GRP: variants seen among roughly 807,000 people sequenced by gnomAD.
GRP encodes gastrin releasing peptide, also known as gastrin-releasing peptide.
Under a neutral mutation model 12.7 loss-of-function variants are expected in GRP, and 11 were observed. The ratio of observed to expected loss-of-function variants is 0.87; its 90% confidence interval spans 0.55 to 1.44. The LOEUF (loss-of-function observed/expected upper bound fraction) is 1.44. Among genes scored for constraint, GRP ranks in the 40% most tolerant of loss-of-function variants. GRP has a pLI of 0.00. For missense variants in GRP, 212 were observed against 185.4 expected, an observed-to-expected ratio of 1.14 and a Z score of -0.83; for synonymous variants, 84 against 77.7, an observed-to-expected ratio of 1.08 and a Z score of -0.43.
At chr18:59,224,821 C>A (rs917310948) in intron 1 of GRP, among the ~76,000 whole-genome samples, 1 of 152,162 alleles carries the variant, frequency 6.6e-6, no homozygotes, top group East Asian at 1.9e-4. Flanking sequence ...TGCATTTATG[C>A]GGCTGTAAAG....
intron 2 of GRP, among the ~76,000 whole-genome samples, chr18:59,229,625 T>C (rs1403652016): frequency 1.3e-5 from 2 of 152,224 alleles, no homozygotes; most frequent in Admixed American, 6.5e-5. Context: ...ATGGCTGATA[T>C]GGAAGTTGGG....
intron 2 of GRP, among the ~76,000 whole-genome samples, chr18:59,227,049 CTTT>C (rs2069950366): frequency 3.5e-4 from 41 of 116,386 alleles, no homozygotes; most frequent in Admixed American, 8.6e-4. Flanking sequence ...TTCTTTCTTT[CTTT>C]CTTCCTTTCT....
upstream of GRP, chr18:59,220,061 A>C: frequency 1.1e-4 from 47 of 421,088 alleles, no homozygotes; most frequent in East Asian, 2.3e-4. Context: ...CCGGTTAGCT[A>C]TAGGGAGACG....
intron 2 of GRP, among the ~76,000 whole-genome samples, chr18:59,227,468 AGCTGCCAT>A (rs1431014953): frequency 1.3e-5 from 2 of 152,140 alleles, no homozygotes; most frequent in Non-Finnish European, 2.9e-5. Context: ...CTCAGATTCT[AGCTGCCAT>A]GCCTTTTTCA....
In GRP at chr18:59,224,898, TTTTCTC is replaced by T. The variant is rs1461922143; in HGVS notation, c.140-593_140-588del. On this transcript the variant is annotated intron_variant, in intron 1 of 2. Coordinates refer to ENST00000256857, the MANE Select transcript of GRP (RefSeq NM_002091.5). ...CTTAACAAACAGTAAATCTGGGTAG[TTTTCTC>T]AGTTCAGTCTCAACTAAAACTCTGA... Among the ~76,000 whole-genome samples the T allele has an allele frequency of 2.0e-5, 3 of 152,242 alleles. No homozygotes were observed. In the East Asian group the frequency reaches 5.8e-4, roughly 29 times the overall value.
intron 1 of GRP, among the ~76,000 whole-genome samples, chr18:59,221,042 C>G (rs1430249065): frequency 2.0e-5 from 3 of 152,250 alleles, no homozygotes; most frequent in Non-Finnish European, 1.5e-5. Flanking sequence ...ATTCTTTTCC[C>G]TGCCCTTTTG....
At chr18:59,220,075 G>A, upstream of GRP, 1 of 416,830 alleles carries the variant, frequency 2.4e-6, no homozygotes, top group Non-Finnish European at 4.2e-6. Context: ...GGAGACGTCA[G>A]AGCGCTCTGG....
At chr18:59,220,110 C>T (rs540857367), upstream of GRP, 141 of 348,726 alleles carry the variant, frequency 4.0e-4, 8 homozygotes, top group South Asian at 3.6e-3. Context: ...GCCCCCCAGC[C>T]CCCCCGCCCG....
At chr18:59,226,992 C>CCTTTCTTTCTTTCTTTCTTTCTTT (rs34258044) in intron 2 of GRP, among the ~76,000 whole-genome samples, 3 of 107,856 alleles carry the variant, frequency 2.8e-5, no homozygotes, top group Non-Finnish European at 5.6e-5. Context: ...TTCTTTTCTT[C>CCTTTCTTTCTTTCTTTCTTTCTTT]CTTTCTTTCT....
rs890164249 is a variant in GRP, at chr18:59,226,926, C to CT, written c.382+1201dup. ...TGGGTCTATTCTGGTCTTTCTCTTTCTTTTTTTTTCTTTTTTCTTTCTTCC... is the reference window on the plus strand; with the variant it reads ...TGGGTCTATTCTGGTCTTTCTCTTTCTTTTTTTTTTCTTTTTTCTTTCTTCC... On this transcript the variant is annotated intron_variant, in intron 2 of 2. Transcript: ENST00000256857. Among the ~76,000 whole-genome samples the CT allele has an allele frequency of 2.8e-3, 421 of 151,304 alleles. 2 individuals are homozygous for CT. The highest frequency in any genetic ancestry group is 9.1e-3 in the African/African-American group (377 of 41,278).
At position 59,226,997 on chromosome 18, in the gene GRP, CTTTCTTTCTTT is replaced by C. The variant is rs1568084818; in HGVS notation, c.382+1264_382+1274del. Among the ~76,000 whole-genome samples, 108 of 37,618 alleles carry C rather than the reference CTTTCTTTCTTT, an allele frequency of 2.9e-3. 2 individuals are homozygous for C. The highest frequency in any genetic ancestry group is 7.3e-3 in the African/African-American group (100 of 13,704). The allele number at this position is 37,618 out of a possible 152,430, so 24.7% of individuals were successfully genotyped here. ...GCTATGTGGTTTCTTTTCTTCCTTT[CTTTCTTTCTTT>C]CTTTCTTTCTTTCTTTCTTTCTTTC... is the stretch of plus-strand genomic sequence containing the variant. On this transcript the variant is annotated intron_variant, in intron 2 of 2. Transcript: ENST00000256857.
chr18:59,224,006 A>T (rs2069875361), intron 1 of GRP, among the ~76,000 whole-genome samples: 1 of 152,166 alleles, frequency 6.6e-6, no homozygotes, highest in South Asian at 2.1e-4. Flanking sequence ...CATAGAATTA[A>T]TTTTTCTCAA....
At chr18:59,227,390 T>C (rs1008629940) in intron 2 of GRP, among the ~76,000 whole-genome samples, 3 of 152,224 alleles carry the variant, frequency 2.0e-5, no homozygotes, top group Non-Finnish European at 4.4e-5. Context: ...ATAGGTGTTA[T>C]GTCATCAGCC....
chr18:59,220,933 G>C (rs1372243282), intron 1 of GRP, among the ~76,000 whole-genome samples: 2 of 152,184 alleles, frequency 1.3e-5, no homozygotes, highest in African/African-American at 4.8e-5. Context: ...CAGCGCTCCC[G>C]CCCCGGGTTT....
At chr18:59,224,336 T>C (rs2069881409) in intron 1 of GRP, among the ~76,000 whole-genome samples, 1 of 152,132 alleles carries the variant, frequency 6.6e-6, no homozygotes, top group Non-Finnish European at 1.5e-5. Context: ...ATAAAAGCAA[T>C]AAAGTTAAAG....
chr18:59,226,326 G>A (rs1387644369), intron 2 of GRP, among the ~76,000 whole-genome samples: 1 of 152,168 alleles, frequency 6.6e-6, no homozygotes, highest in African/African-American at 2.4e-5. Flanking sequence ...CTTAAAGACA[G>A]TGAGCAAGAT....
intron 2 of GRP, among the ~76,000 whole-genome samples, chr18:59,228,211 C>T (rs1603384577): frequency 6.6e-6 from 1 of 152,154 alleles, no homozygotes; most frequent in African/African-American, 2.4e-5. Context: ...GGAAATTCCA[C>T]CTCAATGAAA....
At chr18:59,222,441 T>C (rs1431961472) in intron 1 of GRP, among the ~76,000 whole-genome samples, 2 of 152,210 alleles carry the variant, frequency 1.3e-5, no homozygotes, top group Non-Finnish European at 2.9e-5. Context: ...CTTTGATAAC[T>C]GTGCAGAGTT....
At position 59,225,694 on chromosome 18, in the gene GRP, G is replaced by A; in HGVS notation, c.342G>A (p.Glu114=). The part of the protein sequence containing the change: ...LGNQQPSWDS[E]DSSNFKDVGS... ...ATCAGCAGCCTTCGTGGGATTCAGA[G>A]GATAGCAGCAACTTCAAAGATGTAG... is the stretch of plus-strand genomic sequence containing the variant. The change falls in exon 2 of 3, where the codon GAG becomes GAA. Residue 114 remains glutamate (E), a synonymous_variant. Transcript: ENST00000256857. 1 of 1,613,988 alleles carries A rather than the reference G, an allele frequency of 6.2e-7. No individual in the cohort carries two copies. The highest frequency in any genetic ancestry group is 8.5e-7 in the Non-Finnish European group (1 of 1,179,942).
Sources: allele counts gnomAD v4.1 joint callset (sites outside exome capture counted in the v4.1 genomes callset), GRCh38; gene constraint gnomAD v4.1.1; transcripts MANE v1.5; gene names NCBI Gene and HGNC (gene_info 2026-07-23, HGNC 2026-07-21).